The following USP7 variants were observed in gnomAD, a reference collection of about 807,000 sequenced individuals.
USP7 encodes ubiquitin specific peptidase 7.
A neutral mutation model predicts 162.9 loss-of-function variants in USP7; 9 were observed. The observed-to-expected ratio is 0.06, with a 90% confidence interval of 0.03 to 0.10. The LOEUF (loss-of-function observed/expected upper bound fraction) is 0.10, where lower values mean the gene tolerates loss of function less well. USP7 is among the 10% of genes least tolerant of loss of function. The pLI is 1.00. For missense variants in USP7, 715 were observed against 1,373.7 expected, an observed-to-expected ratio of 0.52 and a Z score of 7.58; for synonymous variants, 562 against 475.9, an observed-to-expected ratio of 1.18 and a Z score of -2.35.
intron 23 of USP7, 122 bp from the exon 24 acceptor site, chr16:8,898,761 T>C: frequency 1.3e-6 from 1 of 772,894 alleles, no homozygotes; most frequent in Non-Finnish European, 2.0e-6. Flanking sequence ...GGACCTAGCA[T>C]GGGGTTTAAC....
chr16:8,944,941 C>G (rs1184019799), intron 1 of USP7, among the ~76,000 whole-genome samples: 5 of 152,110 alleles, frequency 3.3e-5, no homozygotes, highest in Non-Finnish European at 7.3e-5. Context: ...AACCTCGCCT[C>G]TACTAAAAAT....
At chr16:8,920,500 C>T in intron 4 of USP7, 53 bp from the exon 5 acceptor site, 1 of 1,457,836 alleles carries the variant, frequency 6.9e-7, no homozygotes, top group Non-Finnish European at 9.4e-7. Context: ...ACATTTTATT[C>T]CCAAGAGACA....
At chr16:8,901,310 A>G in intron 18 of USP7, 76 bp from the exon 19 acceptor site, 1 of 932,774 alleles carries the variant, frequency 1.1e-6, no homozygotes, top group East Asian at 2.7e-5. Context: ...AAACAAACAA[A>G]CAAAAAAACG....
chr16:8,943,400 A>C (rs1292342694), intron 1 of USP7, among the ~76,000 whole-genome samples: 1 of 151,378 alleles, frequency 6.6e-6, no homozygotes, highest in Non-Finnish European at 1.5e-5. Context: ...GCACAATGCA[A>C]GTAGAAGTTG....
At chr16:8,945,031 G>T (rs565858658) in intron 1 of USP7, among the ~76,000 whole-genome samples, 1 of 152,144 alleles carries the variant, frequency 6.6e-6, no homozygotes, top group Admixed American at 6.5e-5. Flanking sequence ...GCAGATGAAA[G>T]ACCTGAGGTC....
intron 1 of USP7, among the ~76,000 whole-genome samples, chr16:8,931,083 A>C (rs948529052): frequency 2.0e-5 from 3 of 152,210 alleles, no homozygotes; most frequent in Non-Finnish European, 4.4e-5. Context: ...GTTTCCTAGT[A>C]ATTAAAACAA....
chr16:8,945,713 T>A (rs1395445810), intron 1 of USP7, among the ~76,000 whole-genome samples: 1 of 152,002 alleles, frequency 6.6e-6, no homozygotes, highest in African/African-American at 2.4e-5. Flanking sequence ...ATTCTAATAT[T>A]TATATGGAAC....
chr16:8,906,670 G>C, intron 12 of USP7, 88 bp from the exon 13 acceptor site: 2 of 1,334,268 alleles, frequency 1.5e-6, no homozygotes. Context: ...TTAATGTACT[G>C]GCTCATCTTT....
intron 1 of USP7, among the ~76,000 whole-genome samples, chr16:8,936,237 G>A (rs893576840): frequency 6.6e-6 from 1 of 152,040 alleles, no homozygotes; most frequent in Non-Finnish European, 1.5e-5. Context: ...CTGTTATTAC[G>A]GCAGATACGC....
At chr16:8,938,351 AAG>A (rs1555469495) in intron 1 of USP7, among the ~76,000 whole-genome samples, 2 of 151,592 alleles carry the variant, frequency 1.3e-5, no homozygotes, top group Admixed American at 1.3e-4. Flanking sequence ...AAAAAAAAAA[AAG>A]AAAGAAAGAA....
rs555626820 is a variant in USP7, at chr16:8,949,091, G to C, written c.79+14116C>G. 2.6e-5 allele frequency among the ~76,000 whole-genome samples: 4 copies of C among 152,352 alleles called. No individual in the cohort carries two copies. In the East Asian group the frequency reaches 5.8e-4, roughly 22 times the overall value. The stretch of plus-strand genomic sequence containing the variant: ...TGAAAATGTGCTCGAATTGAATGCT[G>C]ATAGTCACACAATTGTGAATACTAA... On this transcript the variant is annotated intron_variant, in intron 1 of 30. Transcript: ENST00000344836.
At chr16:8,953,351 A>C (rs1302036507) in intron 1 of USP7, among the ~76,000 whole-genome samples, 1 of 152,156 alleles carries the variant, frequency 6.6e-6, no homozygotes, top group Non-Finnish European at 1.5e-5. Context: ...CGTTCCTGCC[A>C]GTCAGCAGAT....
At chr16:8,923,944 T>C (rs1897848834) in intron 2 of USP7, among the ~76,000 whole-genome samples, 1 of 152,116 alleles carries the variant, frequency 6.6e-6, no homozygotes, top group African/African-American at 2.4e-5. Flanking sequence ...TGATAATAAA[T>C]GCTAACCTCA....
At chr16:8,954,827 A>G (rs1443918219) in intron 1 of USP7, among the ~76,000 whole-genome samples, 2 of 152,042 alleles carry the variant, frequency 1.3e-5, no homozygotes, top group African/African-American at 4.8e-5. Context: ...CGGTGCGGTG[A>G]GGGGCGCCTG....
Position 8,921,032 on chromosome 16 carries a change from A to G in USP7, c.522+125T>C, listed in dbSNP as rs935145200. 4 of 1,098,750 alleles carry G rather than the reference A, an allele frequency of 3.6e-6. No individual in the cohort carries two copies. In the African/African-American group the frequency reaches 6.4e-5, roughly 18 times the overall value. 68.1% of individuals were successfully genotyped at this position (1,098,750 alleles called of 1,614,324 possible). ...CTGGAGAAAACATGTTTTCAAAGAC[A>G]CTTGTCCAATTTAGAAAGTAAAAAT... On this transcript the variant is annotated intron_variant, in intron 4 of 30. Coordinates refer to ENST00000344836, the MANE Select transcript of USP7 (RefSeq NM_003470.3).
At chr16:8,943,746 G>A (rs1419739193) in intron 1 of USP7, among the ~76,000 whole-genome samples, 1 of 152,154 alleles carries the variant, frequency 6.6e-6, no homozygotes, top group East Asian at 1.9e-4. Flanking sequence ...AAATCAAAAT[G>A]TTGAATGTCC....
intron 2 of USP7, among the ~76,000 whole-genome samples, chr16:8,926,661 A>C (rs1293436660): frequency 6.6e-6 from 1 of 152,186 alleles, no homozygotes; most frequent in Non-Finnish European, 1.5e-5. Flanking sequence ...ATTTTTTTGC[A>C]ACTTCCAAGT....
In USP7 at chr16:8,893,805, T is replaced by A; in HGVS notation, c.*193A>T. 1 of 571,850 alleles carries A rather than the reference T, an allele frequency of 1.7e-6. No individual in the cohort carries two copies. Among genetic ancestry groups the A allele is most frequent in the East Asian group, 3.0e-5 (1 of 33,506 alleles). The allele number at this position is 571,850 out of a possible 1,614,324, so 35.4% of individuals were successfully genotyped here. On this transcript the variant is annotated 3_prime_UTR_variant, in exon 31 of 31. Coordinates refer to ENST00000344836, the MANE Select transcript of USP7 (RefSeq NM_003470.3). ...TTGGCATCCAAGCTTTATAAAAACA[T>A]CTTCATTTTGCTCAAAAAGGGCAGT... is the stretch of plus-strand genomic sequence containing the variant.
chr16:8,904,888 C>CG (rs1366553562), intron 14 of USP7, among the ~76,000 whole-genome samples: 1 of 152,122 alleles, frequency 6.6e-6, no homozygotes, highest in Non-Finnish European at 1.5e-5. Flanking sequence ...AGGAGAGTGG[C>CG]GAGAACCCGG....
Sources: gnomAD v4.1 joint callset for allele counts (sites outside exome capture counted in the v4.1 genomes callset) on GRCh38, gnomAD v4.1.1 for gene constraint, MANE v1.5 for transcripts, NCBI Gene and HGNC (gene_info 2026-07-23, HGNC 2026-07-21) for gene names.